SOCS2: variants seen among roughly 807,000 people sequenced by gnomAD.
SOCS2 encodes suppressor of cytokine signaling 2, also known as CIS-2.
SOCS2 carries 10 observed loss-of-function variants against 18.6 expected under a neutral mutation model. The ratio of observed to expected loss-of-function variants is 0.54; its 90% CI spans 0.33 to 0.91. The LOEUF is 0.91. SOCS2 is among the 40% of genes least tolerant of loss of function. SOCS2 has a pLI of 0.02. For missense variants in SOCS2, 231 were observed against 247.2 expected, an observed-to-expected ratio of 0.93 and a Z score of 0.44; for synonymous variants, 104 against 104.0, an observed-to-expected ratio of 1.00 and a Z score of 0.00.
At chr12:93,577,340 G>GT (rs1029941257), downstream of SOCS2, among the ~76,000 whole-genome samples, 3 of 152,016 alleles carry the variant, frequency 2.0e-5, no homozygotes, top group Non-Finnish European at 4.4e-5. Context: ...GTTTTGTTTT[G>GT]TTTTTTTACG....
chr12:93,584,025 C>T (rs1954568591), downstream of SOCS2, among the ~76,000 whole-genome samples: 1 of 152,038 alleles, frequency 6.6e-6, no homozygotes, highest in Non-Finnish European at 1.5e-5. Flanking sequence ...GTAAGTGTTC[C>T]AATTAGCTAA....
chr12:93,615,351 C>G, the SOCS2 span, among the ~76,000 whole-genome samples: 2 of 152,152 alleles, frequency 1.3e-5, no homozygotes, highest in African/African-American at 4.8e-5. Context: ...AGATTCCATC[C>G]GTTTCTCTCC....
the SOCS2 span, among the ~76,000 whole-genome samples, chr12:93,601,821 A>G: frequency 6.6e-6 from 1 of 152,226 alleles, no homozygotes; most frequent in African/African-American, 2.4e-5. Context: ...TGCATTATAC[A>G]ACTGTCTTTT....
chr12:93,597,630 TA>T, the SOCS2 span, among the ~76,000 whole-genome samples: 3 of 152,214 alleles, frequency 2.0e-5, no homozygotes, highest in Non-Finnish European at 4.4e-5. Context: ...ATCTCGCTTT[TA>T]AAAAATAATT....
chr12:93,601,589 G>A, the SOCS2 span, among the ~76,000 whole-genome samples: 1 of 152,284 alleles, frequency 6.6e-6, no homozygotes, highest in South Asian at 2.1e-4. Context: ...GATTACAGGC[G>A]AGAGCCACAG....
the SOCS2 span, among the ~76,000 whole-genome samples, chr12:93,624,231 A>T: frequency 2.6e-5 from 4 of 152,234 alleles, no homozygotes. Context: ...CAGACACGAA[A>T]CCTGCCAGCG....
Position 93,575,284 on chromosome 12 carries a change from T to C in SOCS2, c.*105T>C. Reference sequence around the variant, plus strand: ...CTCTGGATAACTATATGGAATGCTTTCTAAGAACAGCTGAAGCTAATCTAA... The same window carrying C: ...CTCTGGATAACTATATGGAATGCTTCCTAAGAACAGCTGAAGCTAATCTAA... On this transcript the variant is annotated 3_prime_UTR_variant, in exon 2 of 2. Transcript: ENST00000551556. The C allele has an allele frequency of 1.4e-6, 1 of 730,772 alleles. No homozygotes were observed. The highest frequency in any genetic ancestry group is 2.1e-6 in the Non-Finnish European group (1 of 467,194). 45.3% of individuals were successfully genotyped at this position (730,772 alleles called of 1,614,324 possible).
chr12:93,622,278 T>C, the SOCS2 span, among the ~76,000 whole-genome samples: 2 of 152,226 alleles, frequency 1.3e-5, no homozygotes, highest in East Asian at 1.9e-4. Flanking sequence ...TGGTGAGTGA[T>C]AGAAGACCCA....
rs1225826658 is a variant in SOCS2 at position 93,574,886 on chromosome 12, G to A, written c.304G>A (p.Gly102Arg). 20 of 1,614,126 alleles carry A rather than the reference G, an allele frequency of 1.2e-5. No individual in the cohort carries two copies. Among genetic ancestry groups the A allele is most frequent in the Non-Finnish European group, 1.7e-5 (20 of 1,180,026 alleles). The change falls in exon 2 of 2, where the codon GGA becomes AGA. Residue 102 changes from glycine to arginine, a missense_variant. Gly to Arg is a moderately radical substitution (Grantham distance 125, BLOSUM62 -2). Around this residue, in one of 3 missense-constraint regions of SOCS2, gnomAD observed 122 missense variants for 127.2 expected, o/e 0.96. Coordinates refer to ENST00000551556, the MANE Select transcript of SOCS2 (RefSeq NM_001270471.2). The part of the protein sequence containing the change: ...PTNLRIEYQD[G>R]KFRLDSIICV... ...TAATCTTCGAATCGAATACCAAGAC[G>A]GAAAATTCAGATTGGACTCTATCAT...
At chr12:93,591,520 G>C in the SOCS2 span, among the ~76,000 whole-genome samples, 6 of 152,206 alleles carry the variant, frequency 3.9e-5, no homozygotes, top group African/African-American at 9.6e-5. Flanking sequence ...TCCTGCAGGG[G>C]CTGGCTCTAG....
the SOCS2 span, among the ~76,000 whole-genome samples, chr12:93,614,595 CTT>C: frequency 1.0e-4 from 11 of 106,472 alleles, no homozygotes; most frequent in Admixed American, 2.2e-4. Flanking sequence ...TTCTTTCTTT[CTT>C]TCTTTCTTTC....
At chr12:93,578,166 C>T (rs1482164654), downstream of SOCS2, among the ~76,000 whole-genome samples, 1 of 152,076 alleles carries the variant, frequency 6.6e-6, no homozygotes, top group Non-Finnish European at 1.5e-5. Context: ...GGCAGTTCAG[C>T]TTATGAGATG....
chr12:93,614,624 T>TTTCTTTCTTTCTTTCTTTCTTTC, the SOCS2 span, among the ~76,000 whole-genome samples: 1 of 119,782 alleles, frequency 8.3e-6, no homozygotes, highest in Non-Finnish European at 1.7e-5. Context: ...TCTTTCTTTC[T>TTTCTTTCTTTCTTTCTTTCTTTC]TTCTTTCTTT....
rs1454116150 is a variant in SOCS2 at position 93,572,805 on chromosome 12, T to C, written c.-93T>C. ...TTCGGACACCCCGCAGGGACTCGTT[T>C]TGGGATTCGCACTGACTTCAAGGAA... On this transcript the variant is annotated 5_prime_UTR_variant, in exon 1 of 2. Coordinates refer to ENST00000551556, the MANE Select transcript of SOCS2 (RefSeq NM_001270471.2). The surrounding 1 kb of genome is among the most constrained non-coding windows in gnomAD (Gnocchi z 5.0). 4 of 1,512,468 alleles carry C rather than the reference T, an allele frequency of 2.6e-6. No individual in the cohort carries two copies. The highest frequency in any genetic ancestry group is 2.8e-5 in the African/African-American group (2 of 72,300). 93.7% of individuals were successfully genotyped at this position (1,512,468 alleles called of 1,614,324 possible).
At chr12:93,588,312 C>T (rs1301308449), downstream of SOCS2, among the ~76,000 whole-genome samples, 1 of 151,962 alleles carries the variant, frequency 6.6e-6, no homozygotes, top group African/African-American at 2.4e-5. Context: ...AGACTCACTG[C>T]CATAAATTGT....
At chr12:93,574,513 G>T in intron 1 of SOCS2, 2 of 425,764 alleles carry the variant, frequency 4.7e-6, no homozygotes, top group Non-Finnish European at 4.1e-6. Context: ...CTGGCTCGCC[G>T]TTTGTGTTCA....
the SOCS2 span, among the ~76,000 whole-genome samples, chr12:93,617,142 C>T: frequency 3.3e-5 from 5 of 152,170 alleles, no homozygotes; most frequent in Non-Finnish European, 7.3e-5. Context: ...TGGGGATAAC[C>T]TGGTTGCAAG....
the SOCS2 span, among the ~76,000 whole-genome samples, chr12:93,614,488 C>CTTCT: frequency 8.7e-4 from 25 of 28,682 alleles, 2 homozygotes; most frequent in East Asian, 5.2e-3. Context: ...CCTTTCCTTC[C>CTTCT]TTCCTTCCTT....
At chr12:93,590,286 G>A in the SOCS2 span, among the ~76,000 whole-genome samples, 1 of 151,588 alleles carries the variant, frequency 6.6e-6, no homozygotes, top group Non-Finnish European at 1.5e-5. Flanking sequence ...AAGCATTACT[G>A]ATACAGTAAA....
Sources: allele counts gnomAD v4.1 joint callset (sites outside exome capture counted in the v4.1 genomes callset), GRCh38; gene constraint gnomAD v4.1.1; regional missense constraint gnomAD v4.1.1; non-coding constraint Gnocchi (gnomAD v3.1); transcripts MANE v1.5; gene names NCBI Gene and HGNC (gene_info 2026-07-23, HGNC 2026-07-21).